The following RIMS2 variants were observed in gnomAD, a reference collection of about 807,000 sequenced individuals.
The protein encoded by RIMS2 is regulating synaptic membrane exocytosis protein 2.
In RIMS2, 59 loss-of-function variants were observed where a neutral mutation model predicts 174.4. That is an observed-to-expected ratio of 0.34 (90% CI 0.27 to 0.42). The LOEUF (loss-of-function observed/expected upper bound fraction) is 0.42, where lower values mean the gene tolerates loss of function less well. Ranked by LOEUF, RIMS2 falls within the 10% of genes least tolerant of loss-of-function variation. The pLI, the probability that RIMS2 is intolerant of heterozygous loss-of-function variation, is 1.00. For missense variants in RIMS2, 1,620 were observed against 1,666.3 expected (o/e 0.97, Z 0.48); for synonymous variants, 606 against 572.5 (o/e 1.06, Z -0.84).
chr8:104,061,105 GT>G (rs2096978104), intron 19 of RIMS2, among the ~76,000 whole-genome samples: 1 of 152,270 alleles, frequency 6.6e-6, no homozygotes, highest in South Asian at 2.1e-4. Context: ...GCAGAGCTGA[GT>G]TCAATTCCTG....
At chr8:104,066,577 T>G (rs1237928425) in intron 19 of RIMS2, among the ~76,000 whole-genome samples, 1 of 152,168 alleles carries the variant, frequency 6.6e-6, no homozygotes, top group African/African-American at 2.4e-5. Context: ...CCTGAAAATA[T>G]CTTTTGAAGT....
chr8:104,203,794 G>A (rs916972193), intron 19 of RIMS2, among the ~76,000 whole-genome samples: 2 of 152,134 alleles, frequency 1.3e-5, no homozygotes, highest in Non-Finnish European at 2.9e-5. Context: ...GTGAGCCACA[G>A]TGCCTGATCT....
chr8:103,834,332 C>CTTTTTTT (rs397892077), intron 3 of RIMS2, among the ~76,000 whole-genome samples: 31 of 119,178 alleles, frequency 2.6e-4, no homozygotes, highest in East Asian at 1.3e-3. Context: ...TTTTCTTTTT[C>CTTTTTTT]TTTTTTTTTT....
intron 1 of RIMS2, among the ~76,000 whole-genome samples, chr8:103,580,263 A>C (rs746564078): frequency 6.6e-6 from 1 of 152,062 alleles, no homozygotes; most frequent in Non-Finnish European, 1.5e-5. Context: ...AAGAAACAAC[A>C]ACCAACTCTA....
At chr8:104,116,135 C>A (rs2098273891) in intron 19 of RIMS2, among the ~76,000 whole-genome samples, 1 of 152,108 alleles carries the variant, frequency 6.6e-6, no homozygotes, top group Non-Finnish European at 1.5e-5. Flanking sequence ...CAGAAGATTG[C>A]ATTTCTAAAG....
At chr8:103,888,640 G>T (rs1030515061) in intron 4 of RIMS2, among the ~76,000 whole-genome samples, 7 of 151,462 alleles carry the variant, frequency 4.6e-5, no homozygotes, top group Non-Finnish European at 1.0e-4. Context: ...GTGCTTGAAA[G>T]CTTTTTTATA....
chr8:103,876,886 A>G (rs1402160056), intron 3 of RIMS2, among the ~76,000 whole-genome samples: 1 of 52,230 alleles, frequency 1.9e-5, no homozygotes, highest in Non-Finnish European at 4.5e-5. Context: ...ATATATATAT[A>G]TATATATATA....
chr8:103,673,688 G>C (rs147693669), intron 1 of RIMS2, among the ~76,000 whole-genome samples: 1 of 152,142 alleles, frequency 6.6e-6, no homozygotes, highest in Non-Finnish European at 1.5e-5. Context: ...AGGTGGGCCC[G>C]CCATGAAGGT....
chr8:103,510,524 C>G (rs1191295905), intron 1 of RIMS2, among the ~76,000 whole-genome samples: 2 of 152,088 alleles, frequency 1.3e-5, no homozygotes, highest in Non-Finnish European at 2.9e-5. Flanking sequence ...GAAAGAATTA[C>G]GTTCTTTAAG....
intron 19 of RIMS2, among the ~76,000 whole-genome samples, chr8:104,112,272 G>A (rs2098198623): frequency 6.6e-6 from 1 of 152,022 alleles, no homozygotes; most frequent in Non-Finnish European, 1.5e-5. Flanking sequence ...TACTTTCAGA[G>A]TCTTCACCAT....
At chr8:104,025,989 G>C (rs2096248939) in intron 19 of RIMS2, among the ~76,000 whole-genome samples, 1 of 148,068 alleles carries the variant, frequency 6.8e-6, no homozygotes, top group South Asian at 2.1e-4. Flanking sequence ...GTTTGTGTGA[G>C]TACACTCTGT....
At chr8:103,514,519 A>G (rs1224050133) in intron 1 of RIMS2, among the ~76,000 whole-genome samples, 2 of 152,340 alleles carry the variant, frequency 1.3e-5, no homozygotes, top group South Asian at 2.1e-4. Flanking sequence ...AAGGCAAGGT[A>G]TTATGGAAGA....
At chr8:103,586,219 G>A (rs2133079322) in intron 1 of RIMS2, among the ~76,000 whole-genome samples, 1 of 152,192 alleles carries the variant, frequency 6.6e-6, no homozygotes, top group Admixed American at 6.5e-5. Context: ...AGAAACATCA[G>A]ACTTAATATT....
At chr8:104,126,449 T>C (rs942362850) in intron 19 of RIMS2, among the ~76,000 whole-genome samples, 4 of 152,062 alleles carry the variant, frequency 2.6e-5, no homozygotes, top group Admixed American at 1.3e-4. Flanking sequence ...ATAAAATGCA[T>C]TGGGGTTTTG....
At chr8:103,616,210 C>T (rs2095500863) in intron 1 of RIMS2, among the ~76,000 whole-genome samples, 1 of 152,000 alleles carries the variant, frequency 6.6e-6, no homozygotes, top group Non-Finnish European at 1.5e-5. Flanking sequence ...CAGTTTGGTT[C>T]AATATGTAAA....
intron 2 of RIMS2, among the ~76,000 whole-genome samples, chr8:103,751,309 G>A (rs1408814008): frequency 1.3e-5 from 2 of 151,988 alleles, no homozygotes; most frequent in South Asian, 2.1e-4. Flanking sequence ...GTATTCCATG[G>A]TGTATATGTG....
chr8:103,904,860 T>C (rs2074029261), intron 4 of RIMS2, among the ~76,000 whole-genome samples: 1 of 152,040 alleles, frequency 6.6e-6, no homozygotes, highest in Non-Finnish European at 1.5e-5. Context: ...TTTTTAAACA[T>C]TTTGTGAATT....
chr8:103,906,208 A>C (rs1302547548), intron 4 of RIMS2, among the ~76,000 whole-genome samples: 1 of 152,120 alleles, frequency 6.6e-6, no homozygotes, highest in East Asian at 1.9e-4. Flanking sequence ...GTGTTTAGTT[A>C]GTACTTATAC....
chr8:103,964,127 A>G (rs1263832530), intron 15 of RIMS2, among the ~76,000 whole-genome samples: 2 of 152,252 alleles, frequency 1.3e-5, no homozygotes, highest in African/African-American at 2.4e-5. Context: ...TAAAGCTGCT[A>G]TAAACATCTG....
Sources: gnomAD v4.1 joint callset for allele counts (sites outside exome capture counted in the v4.1 genomes callset) on GRCh38, gnomAD v4.1.1 for gene constraint, MANE v1.5 for transcripts, NCBI Gene and HGNC (gene_info 2026-07-23, HGNC 2026-07-21) for gene names.